Variants in VAT1L observed in about 807,000 individuals in gnomAD.
VAT1L encodes the protein vesicle amine transport 1 like, also known as putative NADPH-dependent quinone oxidoreductase VAT1L.
In VAT1L, 34 loss-of-function variants were observed where a neutral mutation model predicts 44.1. The observed-to-expected ratio is 0.77, with a 90% CI of 0.59 to 1.03. VAT1L has a LOEUF of 1.03. Ranked by LOEUF, VAT1L falls within the 50% of genes least tolerant of loss-of-function variation. The probability of loss-of-function intolerance (pLI) is 0.00; values close to 1 mark genes in which losing one functional copy is unlikely to be tolerated. For missense variants in VAT1L, 615 were observed against 538.8 expected, an observed-to-expected ratio of 1.14 and a Z score of -1.40; for synonymous variants, 253 against 202.2, an observed-to-expected ratio of 1.25 and a Z score of -2.13.
intron 1 of VAT1L, among the ~76,000 whole-genome samples, chr16:77,805,607 C>T (rs542073786): frequency 6.6e-6 from 1 of 150,434 alleles, no homozygotes; most frequent in South Asian, 2.1e-4. Flanking sequence ...TGCTTCTGCC[C>T]GGAGCTGGCA....
chr16:77,964,747 A>G (rs917974982), intron 7 of VAT1L, among the ~76,000 whole-genome samples: 7 of 143,642 alleles, frequency 4.9e-5, no homozygotes, highest in Non-Finnish European at 1.0e-4. Flanking sequence ...TCTATTCTCC[A>G]TCGTGGAACA....
chr16:77,826,496 T>C (rs1435198608), intron 3 of VAT1L, among the ~76,000 whole-genome samples: 1 of 152,198 alleles, frequency 6.6e-6, no homozygotes, highest in Non-Finnish European at 1.5e-5. Flanking sequence ...AGTACATTCA[T>C]GAAAGTGGTT....
chr16:77,895,413 T>A (rs942252983), intron 7 of VAT1L, among the ~76,000 whole-genome samples: 15 of 152,070 alleles, frequency 9.9e-5, no homozygotes, highest in African/African-American at 3.4e-4. Context: ...TGAAAGACTC[T>A]GAGACAAGGA....
chr16:77,967,623 A>T (rs2018236649), intron 7 of VAT1L, among the ~76,000 whole-genome samples: 1 of 152,178 alleles, frequency 6.6e-6, no homozygotes, highest in Non-Finnish European at 1.5e-5. Flanking sequence ...TTTCAGAAAG[A>T]AATATCCAAA....
At chr16:77,824,221 T>C (rs1348573155) in intron 2 of VAT1L, among the ~76,000 whole-genome samples, 1 of 152,154 alleles carries the variant, frequency 6.6e-6, no homozygotes, top group Non-Finnish European at 1.5e-5. Context: ...CTTCCTTAGA[T>C]GCACTGACAC....
chr16:77,790,110 C>T (rs1204963310), intron 1 of VAT1L, among the ~76,000 whole-genome samples: 1 of 152,146 alleles, frequency 6.6e-6, no homozygotes, highest in Admixed American at 6.5e-5. Flanking sequence ...GAAATACAAA[C>T]GAGGGTCCCC....
intron 7 of VAT1L, among the ~76,000 whole-genome samples, chr16:77,954,102 C>T (rs886774847): frequency 1.3e-5 from 2 of 152,154 alleles, no homozygotes; most frequent in Non-Finnish European, 2.9e-5. Context: ...TGAGCGGCCA[C>T]ATGGAGACAA....
chr16:77,835,098 G>C (rs1399087914), intron 3 of VAT1L, among the ~76,000 whole-genome samples: 1 of 152,126 alleles, frequency 6.6e-6, no homozygotes, highest in East Asian at 1.9e-4. Context: ...AAAGCAACTG[G>C]TTCTTTTTCT....
rs565539487 is a variant in VAT1L at position 77,839,576 on chromosome 16, G to A, written c.579+14115G>A. On this transcript the variant is annotated intron_variant, in intron 3 of 8. Coordinates refer to ENST00000302536, the MANE Select transcript of VAT1L (RefSeq NM_020927.3). Reference sequence around the variant, plus strand: ...AAAAAAAAAAAAAAAAAAAAGAATGGGCAAGAACATGAGACCTGGGCATTT... The same window carrying A: ...AAAAAAAAAAAAAAAAAAAAGAATGAGCAAGAACATGAGACCTGGGCATTT... 1.9e-4 allele frequency among the ~76,000 whole-genome samples: 25 copies of A among 130,900 alleles called. No individual in the cohort carries two copies. In the East Asian group the frequency reaches 4.9e-3, roughly 26 times the overall value. 85.9% of individuals were successfully genotyped at this position (130,900 alleles called of 152,430 possible).
intron 4 of VAT1L, among the ~76,000 whole-genome samples, chr16:77,875,526 C>G (rs2017078410): frequency 6.6e-6 from 1 of 152,210 alleles, no homozygotes; most frequent in African/African-American, 2.4e-5. Flanking sequence ...CCAGAGTCTT[C>G]CTGTTCTACA....
At chr16:77,824,864 T>TC (rs1491013746) in intron 2 of VAT1L, among the ~76,000 whole-genome samples, 9 of 37,800 alleles carry the variant, frequency 2.4e-4, no homozygotes, top group Non-Finnish European at 4.2e-4. Context: ...CAATAATGCT[T>TC]TTTTTTTTTT....
chr16:77,979,653 A>G lies in VAT1L; in HGVS notation c.*1958A>G, dbSNP rs2018378873. The G allele has an allele frequency of 6.6e-6, 1 of 152,166 alleles. No individual in the cohort carries two copies. Among genetic ancestry groups the G allele is most frequent in the Non-Finnish European group, 1.5e-5 (1 of 68,030 alleles). The allele number at this position is 152,166 out of a possible 1,614,324, so 9.4% of individuals were successfully genotyped here. A position where few individuals can be genotyped will look rare whatever the true frequency, so the allele number is the denominator to read the frequency against. On this transcript the variant is annotated 3_prime_UTR_variant, in exon 9 of 9. Transcript: ENST00000302536. ...ACATCGCCTTTGTTATGTCCAGAGG[A>G]GAGGCATAAAAAGGCACTCTCCCCC...
chr16:77,880,080 C>G (rs2017133767), intron 6 of VAT1L, among the ~76,000 whole-genome samples: 2 of 152,166 alleles, frequency 1.3e-5, no homozygotes, highest in South Asian at 2.1e-4. Context: ...AGCGACATCC[C>G]TGGGCATTCA....
chr16:77,853,308 C>G (rs1471754713), intron 3 of VAT1L, among the ~76,000 whole-genome samples: 1 of 152,170 alleles, frequency 6.6e-6, no homozygotes, highest in Non-Finnish European at 1.5e-5. Flanking sequence ...AACCCATGGA[C>G]TCTGATGTCA....
At chr16:77,948,388 C>A (rs2017996849) in intron 7 of VAT1L, among the ~76,000 whole-genome samples, 1 of 152,162 alleles carries the variant, frequency 6.6e-6, no homozygotes, top group Admixed American at 6.5e-5. Context: ...CCTAGGAAAT[C>A]CAAACCCCTC....
At position 77,978,946 on chromosome 16, in the gene VAT1L, A is replaced by AAAATGCTTAACTATCACTCACAAAC. The variant is rs2018370220; in HGVS notation, c.*1257_*1281dup. 1 of 152,244 alleles carries AAAATGCTTAACTATCACTCACAAAC rather than the reference A, an allele frequency of 6.6e-6. No homozygotes were observed. The highest frequency in any genetic ancestry group is 2.1e-4 in the South Asian group (1 of 4,832). The allele number at this position is 152,244 out of a possible 1,614,324, so 9.4% of individuals were successfully genotyped here. A position where few individuals can be genotyped will look rare whatever the true frequency, so the allele number is the denominator to read the frequency against. ...CCCCGTCCTTCCAGTCCTTTTGGCT[A>AAAATGCTTAACTATCACTCACAAAC]AAATGCTTAACTATCACTCACAAAC... On this transcript the variant is annotated 3_prime_UTR_variant, in exon 9 of 9. Coordinates refer to ENST00000302536, the MANE Select transcript of VAT1L (RefSeq NM_020927.3).
At chr16:77,807,047 T>C (rs896099825) in intron 1 of VAT1L, among the ~76,000 whole-genome samples, 1 of 152,182 alleles carries the variant, frequency 6.6e-6, no homozygotes, top group African/African-American at 2.4e-5. Flanking sequence ...AAGGTCTCAT[T>C]CTCTTTCCTG....
At chr16:77,902,734 G>GGC (rs1024545680) in intron 7 of VAT1L, among the ~76,000 whole-genome samples, 7 of 127,082 alleles carry the variant, frequency 5.5e-5, no homozygotes, top group East Asian at 5.3e-4. Flanking sequence ...TGGGGGGGTG[G>GGC]GGGGGGTGTG....
intron 3 of VAT1L, among the ~76,000 whole-genome samples, chr16:77,862,290 T>C (rs2016922483): frequency 6.6e-6 from 1 of 152,136 alleles, no homozygotes; most frequent in African/African-American, 2.4e-5. Flanking sequence ...CAATGCATAG[T>C]ACAGTCTCCT....
Sources: gnomAD v4.1 joint callset for allele counts (sites outside exome capture counted in the v4.1 genomes callset) on GRCh38, gnomAD v4.1.1 for gene constraint, MANE v1.5 for transcripts, NCBI Gene and HGNC (gene_info 2026-07-23, HGNC 2026-07-21) for gene names.